The following CENPE variants were observed in gnomAD, a reference collection of about 807,000 sequenced individuals.
CENPE encodes the protein centromere-associated protein E.
CENPE carries 145 observed loss-of-function variants against 336.1 expected under a neutral mutation model. That is an observed-to-expected ratio of 0.43 (90% CI 0.38 to 0.50). The LOEUF is 0.50. Among genes scored for constraint, CENPE ranks in the 20% least tolerant of loss-of-function variants. The pLI, the probability that CENPE is intolerant of heterozygous loss-of-function variation, is 0.00. For missense variants in CENPE, 2,719 were observed against 3,023.3 expected, an observed-to-expected ratio of 0.90 and a Z score of 2.36; for synonymous variants, 1,013 against 984.8, an observed-to-expected ratio of 1.03 and a Z score of -0.54.
chr4:103,114,842 T>C (rs1049145144), intron 45 of CENPE, among the ~76,000 whole-genome samples: 1 of 152,196 alleles, frequency 6.6e-6, no homozygotes, highest in African/African-American at 2.4e-5. Context: ...TTGAACAAAA[T>C]TATAATTACC....
At chr4:103,112,897 CAT>C (rs534260900) in intron 46 of CENPE, among the ~76,000 whole-genome samples, 6,182 of 29,382 alleles carry the variant, frequency 0.21, 1,783 homozygotes, top group Middle Eastern at 0.55. Flanking sequence ...TATAAGTGTA[CAT>C]ATATACTTAT....
intron 9 of CENPE, 112 bp from the exon 10 acceptor site, chr4:103,183,400 C>T: frequency 3.7e-6 from 3 of 800,208 alleles, no homozygotes; most frequent in Non-Finnish European, 6.0e-6. Context: ...AAAGTCTATG[C>T]TCTGGTTTAG....
intron 29 of CENPE, among the ~76,000 whole-genome samples, chr4:103,146,679 C>T (rs1753082208): frequency 6.6e-6 from 1 of 151,920 alleles, no homozygotes; most frequent in South Asian, 2.1e-4. Context: ...CCTCATAGGC[C>T]ACATAAAGGA....
intron 32 of CENPE, 125 bp downstream of exon 32, chr4:103,144,925 T>A: frequency 2.3e-6 from 2 of 873,586 alleles, no homozygotes; most frequent in Non-Finnish European, 3.3e-6. Context: ...AGTTTTTGAT[T>A]CCTCTTTTAT....
intron 12 of CENPE, 29 bp from the exon 13 acceptor site, chr4:103,180,498 A>G: frequency 1.3e-6 from 2 of 1,514,736 alleles, no homozygotes; most frequent in Admixed American, 4.0e-5. Flanking sequence ...GATTATGTTA[A>G]TAATAAATGT....
intron 8 of CENPE, among the ~76,000 whole-genome samples, chr4:103,191,399 A>C (rs1400307135): frequency 6.6e-6 from 1 of 152,232 alleles, no homozygotes; most frequent in Non-Finnish European, 1.5e-5. Context: ...GAACCAACCC[A>C]AATGTCCAAC....
At chr4:103,189,919 A>C (rs1757147940) in intron 8 of CENPE, among the ~76,000 whole-genome samples, 2 of 152,314 alleles carry the variant, frequency 1.3e-5, no homozygotes, top group African/African-American at 4.8e-5. Context: ...AAATCTCCTT[A>C]GGCTGATAAG....
intron 42 of CENPE, among the ~76,000 whole-genome samples, chr4:103,131,028 T>C (rs1351937465): frequency 1.3e-5 from 2 of 152,144 alleles, no homozygotes; most frequent in African/African-American, 4.8e-5. Context: ...TAGATGATCT[T>C]GGGTTTGGTG....
chr4:103,130,198 C>A (rs72944934), intron 42 of CENPE, among the ~76,000 whole-genome samples: 1,548 of 152,186 alleles, frequency 0.01, 31 homozygotes, highest in African/African-American at 0.035. Flanking sequence ...ACAAGGTACA[C>A]AAATTTGTAA....
intron 43 of CENPE, among the ~76,000 whole-genome samples, chr4:103,121,549 C>CT (rs11454081): frequency 0.039 from 5,315 of 135,870 alleles, 233 homozygotes; most frequent in African/African-American, 0.1. Context: ...TTCTTTCTTT[C>CT]TTTTTTTTTT....
At chr4:103,156,890 A>G (rs923201377) in intron 24 of CENPE, among the ~76,000 whole-genome samples, 4 of 152,028 alleles carry the variant, frequency 2.6e-5, no homozygotes, top group Non-Finnish European at 4.4e-5. Flanking sequence ...AATGACAAAA[A>G]TCAAACAACC....
At chr4:103,158,971 G>A in intron 22 of CENPE, 39 bp downstream of exon 22, 2 of 1,533,200 alleles carry the variant, frequency 1.3e-6, no homozygotes, top group Non-Finnish European at 1.7e-6. Flanking sequence ...AACCCCAGAA[G>A]ACTAAGGAGC....
chr4:103,123,126 G>A lies in CENPE; in HGVS notation c.6925-37C>T, dbSNP rs112441854. The A allele has an allele frequency of 3.5e-3, 5,158 of 1,463,120 alleles. 82 individuals are homozygous for A. The African/African-American group carries it at 0.046, about 13-fold the overall frequency. 90.6% of individuals were successfully genotyped at this position (1,463,120 alleles called of 1,614,324 possible). On this transcript the variant is annotated intron_variant, in intron 42 of 48. Transcript: ENST00000265148. ...TAAAATACCATTATAGCTCTAAAACGATTTATAGTAGTCCCCACTTACCTG... is the reference window on the plus strand; with the variant it reads ...TAAAATACCATTATAGCTCTAAAACAATTTATAGTAGTCCCCACTTACCTG...
intron 25 of CENPE, 123 bp from the exon 26 acceptor site, chr4:103,151,500 G>T: frequency 2.9e-6 from 2 of 690,458 alleles, no homozygotes; most frequent in Non-Finnish European, 4.3e-6. Context: ...TATAGGAAAA[G>T]ACAAATTTCA....
At chr4:103,177,166 T>C in intron 13 of CENPE, 120 bp from the exon 14 acceptor site, 4 of 796,508 alleles carry the variant, frequency 5.0e-6, no homozygotes, top group Non-Finnish European at 7.6e-6. Context: ...TAAGCCTAGT[T>C]TAAAATTTTA....
chr4:103,153,546 C>T (rs1753729957), intron 24 of CENPE, among the ~76,000 whole-genome samples: 1 of 152,112 alleles, frequency 6.6e-6, no homozygotes, highest in Non-Finnish European at 1.5e-5. Flanking sequence ...GTTCACTAAT[C>T]AGAACAATAT....
chr4:103,120,281 T>C lies in CENPE; in HGVS notation c.7196A>G (p.His2399Arg), dbSNP rs1750504629. ...SLHEAKESAM[H>R]KESKIIKMQK... ...CATCTTTATAATCTTGCTTTCCTTA[T>C]GCATAGCACTTTCTTTAGCTTCATG... is the stretch of plus-strand genomic sequence containing the variant. The change falls in exon 44 of 49, where the codon CAT (histidine) becomes CGT (arginine). Residue 2399 changes from histidine (H) to arginine (R), a missense_variant. Coordinates refer to ENST00000265148, the MANE Select transcript of CENPE (RefSeq NM_001813.3). 2 of 1,611,152 alleles carry C rather than the reference T, an allele frequency of 1.2e-6. No homozygotes were observed. The highest frequency in any genetic ancestry group is 1.3e-5 in the African/African-American group (1 of 74,804).
chr4:103,189,547 A>C (rs1470044809), intron 8 of CENPE, among the ~76,000 whole-genome samples: 2 of 152,220 alleles, frequency 1.3e-5, no homozygotes, highest in Admixed American at 6.5e-5. Flanking sequence ...AAACCACATG[A>C]TTATCTCAAT....
chr4:103,196,303 C>T (rs746846415), intron 2 of CENPE, 51 bp from the exon 3 acceptor site: 1 of 1,339,384 alleles, frequency 7.5e-7, no homozygotes, highest in Non-Finnish European at 1.1e-6. Context: ...CAAATGAGTC[C>T]ACTGTGTTTT....
Sources: gnomAD v4.1 joint callset for allele counts (sites outside exome capture counted in the v4.1 genomes callset) on GRCh38, gnomAD v4.1.1 for gene constraint, MANE v1.5 for transcripts, NCBI Gene and HGNC (gene_info 2026-07-23, HGNC 2026-07-21) for gene names.